Variants in RYR3 observed in about 807,000 individuals in gnomAD.
RYR3 encodes the protein brain ryanodine receptor-calcium release channel.
RYR3 carries 207 observed loss-of-function variants against 584.3 expected under a neutral mutation model. That is an observed-to-expected ratio of 0.35 (90% CI 0.32 to 0.40). RYR3 has a LOEUF of 0.40. RYR3 is among the 10% of genes least tolerant of loss of function. The pLI is 1.00. For synonymous variants in RYR3, 2,416 were observed against 2,248.5 expected, an observed-to-expected ratio of 1.07 and a Z score of -2.11; for missense variants, 5,616 against 6,089.2, an observed-to-expected ratio of 0.92 and a Z score of 2.59.
At chr15:33,612,909 A>G (rs2060268325) in intron 18 of RYR3, among the ~76,000 whole-genome samples, 1 of 152,176 alleles carries the variant, frequency 6.6e-6, no homozygotes. Flanking sequence ...AGTTTTTGTT[A>G]TTTCTCATTC....
chr15:33,635,533 G>A (rs1345040939), intron 25 of RYR3, 81 bp from the exon 26 acceptor site: 13 of 1,034,746 alleles, frequency 1.3e-5, no homozygotes, highest in Non-Finnish European at 1.8e-5. Flanking sequence ...AAATTCTTTT[G>A]AGTAGTGCTA....
intron 1 of RYR3, among the ~76,000 whole-genome samples, chr15:33,388,515 G>A (rs2041781023): frequency 6.6e-6 from 1 of 152,124 alleles, no homozygotes; most frequent in African/African-American, 2.4e-5. Flanking sequence ...TAGGTACATT[G>A]CTACCTTTAA....
intron 43 of RYR3, among the ~76,000 whole-genome samples, chr15:33,713,175 G>A (rs2067240646): frequency 6.6e-6 from 1 of 152,140 alleles, no homozygotes; most frequent in Admixed American, 6.5e-5. Context: ...GGCAGATGAT[G>A]GAAGTATTCA....
intron 38 of RYR3, among the ~76,000 whole-genome samples, chr15:33,677,483 G>C (rs756432745): frequency 3.3e-5 from 5 of 152,100 alleles, no homozygotes; most frequent in Non-Finnish European, 5.9e-5. Context: ...ATCATCATCG[G>C]TCATTTAATC....
At chr15:33,489,307 A>C (rs754823420) in intron 2 of RYR3, among the ~76,000 whole-genome samples, 1 of 152,178 alleles carries the variant, frequency 6.6e-6, no homozygotes, top group African/African-American at 2.4e-5. Flanking sequence ...TTCATCATCC[A>C]GGTATTAAGC....
At chr15:33,695,666 A>G (rs1363487491) in intron 38 of RYR3, among the ~76,000 whole-genome samples, 2 of 152,058 alleles carry the variant, frequency 1.3e-5, no homozygotes, top group Non-Finnish European at 2.9e-5. Context: ...TCAAAATAGA[A>G]TAGTTAGCAC....
chr15:33,725,578 A>G (rs897857895), intron 45 of RYR3, among the ~76,000 whole-genome samples: 1 of 152,154 alleles, frequency 6.6e-6, no homozygotes, highest in African/African-American at 2.4e-5. Flanking sequence ...TCTCTCTGAC[A>G]TTCTCTACAC....
chr15:33,578,774 A>ACAAAAC (rs1555536815), intron 12 of RYR3, among the ~76,000 whole-genome samples: 20 of 140,116 alleles, frequency 1.4e-4, no homozygotes, highest in African/African-American at 3.3e-4. Context: ...ATAAAAAAAA[A>ACAAAAC]AAAACAACAA....
At chr15:33,336,440 A>AAG (rs1204873404) in intron 1 of RYR3, among the ~76,000 whole-genome samples, 410 of 12,124 alleles carry the variant, frequency 0.034, 48 homozygotes, top group Admixed American at 0.044. Flanking sequence ...GAAAGAAAGA[A>AAG]AGAGAGAGAG....
At chr15:33,336,305 G>A (rs1000420008) in intron 1 of RYR3, among the ~76,000 whole-genome samples, 15 of 151,716 alleles carry the variant, frequency 9.9e-5, no homozygotes, top group Non-Finnish European at 2.1e-4. Context: ...GGTGGCACAT[G>A]CTTGTAATCC....
At chr15:33,587,207 C>T (rs1448699721) in intron 16 of RYR3, among the ~76,000 whole-genome samples, 1 of 152,168 alleles carries the variant, frequency 6.6e-6, no homozygotes, top group Non-Finnish European at 1.5e-5. Context: ...TGCAGCAAAT[C>T]AAAGGCAAAC....
At chr15:33,813,110 A>G in intron 73 of RYR3, 116 bp downstream of exon 73, 8 of 1,337,402 alleles carry the variant, frequency 6.0e-6, no homozygotes, top group Non-Finnish European at 8.2e-6. Context: ...GAAAACAAGG[A>G]CCAAGGATCA....
In RYR3 at chr15:33,807,679, C is replaced by T. The variant is rs28459255; in HGVS notation, c.10026+110C>T. On this transcript the variant is annotated intron_variant, in intron 70 of 103. Coordinates refer to ENST00000634891, the MANE Select transcript of RYR3 (RefSeq NM_001036.6). ...GGGGGTGGTAGAGAATGGATTTTCC[C>T]GCCTGGAGGTCCCCCAGGCCTGCTC... The T allele has an allele frequency of 4.6e-4, 506 of 1,103,884 alleles. 7 individuals are homozygous for T. In the South Asian group the frequency reaches 6.3e-3, roughly 14 times the overall value. The allele number at this position is 1,103,884 out of a possible 1,614,324, so 68.4% of individuals were successfully genotyped here.
intron 31 of RYR3, among the ~76,000 whole-genome samples, chr15:33,651,983 G>T (rs183069304): frequency 2.0e-5 from 3 of 152,152 alleles, no homozygotes. Context: ...TCCTACAATT[G>T]GGGAATCAGG....
chr15:33,643,473 G>T lies in RYR3; in HGVS notation c.3557-838G>T, dbSNP rs118139432. ...TAATACGATCAAGCTACAGATGTGAGTTTGGAGAGATGATAGCTGTAGGAA... is the reference window on the plus strand; with the variant it reads ...TAATACGATCAAGCTACAGATGTGATTTTGGAGAGATGATAGCTGTAGGAA... On this transcript the variant is annotated intron_variant, in intron 27 of 103. Transcript: ENST00000634891. Among the ~76,000 whole-genome samples, 798 of 152,330 alleles carry T rather than the reference G, an allele frequency of 5.2e-3. 2 individuals are homozygous for T. The highest frequency in any genetic ancestry group is 8.8e-3 in the Non-Finnish European group (598 of 68,032).
At position 33,652,715 on chromosome 15, in the gene RYR3, T is replaced by C. The variant is rs2062558760; in HGVS notation, c.4143-3T>C. The C allele has an allele frequency of 6.2e-7, 1 of 1,612,826 alleles. No homozygotes were observed. Among genetic ancestry groups the C allele is most frequent in the East Asian group, 2.2e-5 (1 of 44,834 alleles). On this transcript the variant is annotated splice_polypyrimidine_tract_variant and splice_region_variant and intron_variant, in intron 31 of 103. Transcript: ENST00000634891. ...CTGTGCCTTTTCCTGTCTTGGCTCC[T>C]AGTGTGAAACGCAGCAACTGCTACA...
At chr15:33,764,751 C>A (rs1033633767) in intron 60 of RYR3, among the ~76,000 whole-genome samples, 4 of 151,986 alleles carry the variant, frequency 2.6e-5, no homozygotes, top group Middle Eastern at 3.2e-3. Context: ...AGACTCAGAT[C>A]GACTGGACAC....
rs3751641 is a variant in RYR3 at position 33,662,501 on chromosome 15, G to A, written c.4971G>A (p.Leu1657=). ...SKRHGLPGVG[L]RTCLKPGFRF... is the part of the protein sequence containing the mutation. ...GGCATGGACTGCCTGGGGTGGGCCTGAGAACATGTCTCAAGCCCGGGTTCA... is the reference window on the plus strand; with the variant it reads ...GGCATGGACTGCCTGGGGTGGGCCTAAGAACATGTCTCAAGCCCGGGTTCA... Residue 1657 remains leucine, a synonymous_variant, in exon 35 of 104, where the codon CTG becomes CTA. Coordinates refer to ENST00000634891, the MANE Select transcript of RYR3 (RefSeq NM_001036.6). The A allele has an allele frequency of 7.3e-4, 1,183 of 1,614,052 alleles. 21 individuals carry two copies. In the East Asian group the frequency reaches 0.025, roughly 34 times the overall value.
At chr15:33,739,067 G>A (rs921644554) in intron 50 of RYR3, among the ~76,000 whole-genome samples, 2 of 152,182 alleles carry the variant, frequency 1.3e-5, no homozygotes, top group Admixed American at 6.5e-5. Flanking sequence ...AGGAGGCTTC[G>A]AGTGAGAACT....
Sources: gnomAD v4.1 joint callset for allele counts (sites outside exome capture counted in the v4.1 genomes callset) on GRCh38, gnomAD v4.1.1 for gene constraint, MANE v1.5 for transcripts, NCBI Gene and HGNC (gene_info 2026-07-23, HGNC 2026-07-21) for gene names.